Variants in SMC6 observed in about 807,000 individuals in gnomAD.
SMC6 encodes the protein structural maintenance of chromosomes protein 6.
Under a neutral mutation model 142.2 loss-of-function variants are expected in SMC6, and 79 were observed. The observed-to-expected ratio is 0.56, with a 90% CI of 0.46 to 0.67. The LOEUF (loss-of-function observed/expected upper bound fraction) is 0.67, where lower values mean the gene tolerates loss of function less well. Among genes scored for constraint, SMC6 ranks in the 30% least tolerant of loss-of-function variants. The pLI is 0.00. For missense variants in SMC6, 1,072 were observed against 1,284.0 expected (o/e 0.83, Z 2.52); for synonymous variants, 411 against 412.4 (o/e 1.00, Z 0.04).
intron 23 of SMC6, among the ~76,000 whole-genome samples, chr2:17,692,515 G>A (rs1667780438): frequency 6.6e-6 from 1 of 152,194 alleles, no homozygotes; most frequent in Non-Finnish European, 1.5e-5. Context: ...GTAGAAAGCT[G>A]AAACTGGATC....
chr2:17,706,372 C>T (rs1337660080), intron 18 of SMC6, among the ~76,000 whole-genome samples: 2 of 152,116 alleles, frequency 1.3e-5, no homozygotes, highest in African/African-American at 2.4e-5. Context: ...TTTTCTATTG[C>T]TAATTGTTTT....
chr2:17,722,156 C>T (rs537967057), intron 9 of SMC6, among the ~76,000 whole-genome samples: 1 of 152,194 alleles, frequency 6.6e-6, no homozygotes, highest in South Asian at 2.1e-4. Context: ...ACACCTCATA[C>T]ACCCTGCCAC....
At chr2:17,752,598 G>T (rs1359950409) in intron 2 of SMC6, among the ~76,000 whole-genome samples, 1 of 152,042 alleles carries the variant, frequency 6.6e-6, no homozygotes, top group Non-Finnish European at 1.5e-5. Context: ...TTTTGTACTT[G>T]CACCCATTAA....
chr2:17,675,232 G>T (rs995410104), intron 25 of SMC6, among the ~76,000 whole-genome samples: 24 of 152,030 alleles, frequency 1.6e-4, no homozygotes, highest in African/African-American at 5.8e-4. Flanking sequence ...TCTTAAATTA[G>T]TATTGGTATT....
At chr2:17,721,388 T>C (rs980695936) in intron 9 of SMC6, 127 bp from the exon 10 acceptor site, 2 of 969,202 alleles carry the variant, frequency 2.1e-6, no homozygotes, top group South Asian at 4.7e-5. Flanking sequence ...AAAAATAACT[T>C]CTATTTTTTA....
chr2:17,718,201 T>C lies in SMC6; in HGVS notation c.968A>G (p.Gln323Arg). The stretch of plus-strand genomic sequence containing the variant: ...TTTGTCTTGAATATCCTTGTACTTT[T>C]GTTCTGCCTCATTAAGTCTGACCTT... ...EQQVRLNEAE[Q>R]KYKDIQDKLE... Residue 323 changes from glutamine (Q) to arginine (R), a missense_variant, in exon 12 of 28, where the codon CAA (glutamine) becomes CGA (arginine). Gln to Arg is a conservative substitution (Grantham distance 43, BLOSUM62 1). Transcript: ENST00000448223. 6.2e-7 allele frequency: 1 copy of C among 1,604,474 alleles called. No individual in the cohort carries two copies. Among genetic ancestry groups the C allele is most frequent in the Non-Finnish European group, 8.5e-7 (1 of 1,175,190 alleles).
At chr2:17,709,747 G>A (rs73921052) in intron 16 of SMC6, among the ~76,000 whole-genome samples, 1,905 of 152,218 alleles carry the variant, frequency 0.013, 21 homozygotes, top group East Asian at 0.031. Flanking sequence ...GCAGCTTATG[G>A]TGCTTTTTTA....
intron 16 of SMC6, among the ~76,000 whole-genome samples, chr2:17,710,596 T>C (rs1668780554): frequency 6.6e-6 from 1 of 151,868 alleles, no homozygotes; most frequent in Non-Finnish European, 1.5e-5. Context: ...AACGAACACC[T>C]AGAGAATTAG....
intron 3 of SMC6, among the ~76,000 whole-genome samples, chr2:17,745,540 AT>A (rs1670703790): frequency 6.6e-6 from 1 of 151,992 alleles, no homozygotes; most frequent in African/African-American, 2.4e-5. Flanking sequence ...GATAGCCCTT[AT>A]TTTATTCCCG....
chr2:17,745,796 A>C, intron 3 of SMC6, 31 bp downstream of exon 3: 2 of 1,565,684 alleles, frequency 1.3e-6, no homozygotes, highest in Non-Finnish European at 8.6e-7. Context: ...AAAACATATC[A>C]AAAAGCATAA....
At chr2:17,742,590 C>A (rs542643965) in intron 3 of SMC6, among the ~76,000 whole-genome samples, 2 of 152,132 alleles carry the variant, frequency 1.3e-5, no homozygotes, top group South Asian at 4.2e-4. Flanking sequence ...TTTTTGAAGA[C>A]CATTTTCAAG....
chr2:17,683,846 G>C (rs1029692253), intron 23 of SMC6, 83 bp from the exon 24 acceptor site: 1 of 1,309,778 alleles, frequency 7.6e-7, no homozygotes, highest in East Asian at 2.3e-5. Context: ...ATTTAACTGG[G>C]AAGAACAGGG....
In SMC6 at chr2:17,665,081, G is replaced by T. The variant is rs1666434204; in HGVS notation, c.*418C>A. 6.5e-6 allele frequency: 1 copy of T among 152,756 alleles called. No individual in the cohort carries two copies. The highest frequency in any genetic ancestry group is 2.4e-5 in the African/African-American group (1 of 41,380). 9.5% of individuals were successfully genotyped at this position (152,756 alleles called of 1,614,324 possible). A position where few individuals can be genotyped will look rare whatever the true frequency, so the allele number is the denominator to read the frequency against. On this transcript the variant is annotated 3_prime_UTR_variant, in exon 28 of 28. Coordinates refer to ENST00000448223, the MANE Select transcript of SMC6 (RefSeq NM_001142286.2). ...AAATCCCTCCCTTCAACCATTTTTG[G>T]TAACTATAGAATGTAATATCTGGAA...
chr2:17,672,984 A>G (rs185737303), intron 25 of SMC6, among the ~76,000 whole-genome samples: 2 of 152,310 alleles, frequency 1.3e-5, no homozygotes, highest in African/African-American at 2.4e-5. Context: ...AGACATCGAC[A>G]GAGAGGTTTC....
chr2:17,700,885 C>T (rs1281090695), intron 20 of SMC6, among the ~76,000 whole-genome samples: 2 of 151,520 alleles, frequency 1.3e-5, no homozygotes, highest in African/African-American at 2.4e-5. Flanking sequence ...AAAAATTAGC[C>T]GGGTGTGGTG....
intron 7 of SMC6, among the ~76,000 whole-genome samples, chr2:17,729,112 T>A (rs1215158078): frequency 6.6e-6 from 1 of 152,208 alleles, no homozygotes; most frequent in African/African-American, 2.4e-5. Flanking sequence ...AGGTGAAATT[T>A]AATAACATAT....
At chr2:17,742,054 C>T (rs1670498137) in intron 3 of SMC6, among the ~76,000 whole-genome samples, 1 of 152,100 alleles carries the variant, frequency 6.6e-6, no homozygotes, top group Non-Finnish European at 1.5e-5. Flanking sequence ...CCAGCCTCTA[C>T]CCACTAGATG....
intron 23 of SMC6, among the ~76,000 whole-genome samples, chr2:17,685,084 C>T (rs1572262883): frequency 7.1e-6 from 1 of 140,626 alleles, no homozygotes; most frequent in African/African-American, 2.7e-5. Flanking sequence ...GTGGAAAACA[C>T]ATAGATGGAA....
At chr2:17,693,749 A>G (rs1667847229) in intron 23 of SMC6, among the ~76,000 whole-genome samples, 1 of 152,066 alleles carries the variant, frequency 6.6e-6, no homozygotes, top group African/African-American at 2.4e-5. Context: ...TAATCTCAGC[A>G]CTTTGGGAGT....
Sources: gnomAD v4.1 joint callset for allele counts (sites outside exome capture counted in the v4.1 genomes callset) on GRCh38, gnomAD v4.1.1 for gene constraint, MANE v1.5 for transcripts, NCBI Gene and HGNC (gene_info 2026-07-23, HGNC 2026-07-21) for gene names.